The following MGAT5B variants were observed in gnomAD, a reference collection of about 807,000 sequenced individuals.
The protein encoded by MGAT5B is alpha-1,6-mannosylglycoprotein 6-beta-N-acetylglucosaminyltransferase B.
In MGAT5B, 54 loss-of-function variants were observed where a neutral mutation model predicts 95.1. The observed-to-expected ratio is 0.57, with a 90% CI of 0.46 to 0.71. MGAT5B has a LOEUF of 0.71. Ranked by LOEUF, MGAT5B falls within the 30% of genes least tolerant of loss-of-function variation. The probability of loss-of-function intolerance (pLI) is 0.00; values close to 1 mark genes in which losing one functional copy is unlikely to be tolerated. For synonymous variants in MGAT5B, 464 were observed against 451.0 expected (o/e 1.03, Z -0.36); for missense variants, 935 against 1,088.6 (o/e 0.86, Z 1.99).
At chr17:76,910,303 A>T (rs1968689289) in intron 8 of MGAT5B, among the ~76,000 whole-genome samples, 1 of 152,224 alleles carries the variant, frequency 6.6e-6, no homozygotes, top group Admixed American at 6.5e-5. Context: ...CCCTCTGAAC[A>T]GAGAGCCTGG....
At position 76,917,341 on chromosome 17, in the gene MGAT5B, G is replaced by A. The variant is rs1472181300; in HGVS notation, c.1026-7625G>A. The stretch of plus-strand genomic sequence containing the variant: ...CTTCACTTTCTTGTTGGGTCTCGGG[G>A]GTGCCTTCCCACAGCAGGTATCTCG... On this transcript the variant is annotated intron_variant, in intron 8 of 17. Coordinates refer to ENST00000569840, the MANE Select transcript of MGAT5B (RefSeq NM_001199172.2). The surrounding 1 kb of genome is among the most constrained non-coding windows in gnomAD (Gnocchi z 6.1). Among the ~76,000 whole-genome samples the A allele has an allele frequency of 2.0e-5, 3 of 151,866 alleles. No individual in the cohort carries two copies. The highest frequency in any genetic ancestry group is 7.3e-5 in the African/African-American group (3 of 41,310).
rs1336785683 is a variant in MGAT5B at position 76,889,584 on chromosome 17, T to C, written c.329+7286T>C. Among the ~76,000 whole-genome samples, 2 of 152,214 alleles carry C rather than the reference T, an allele frequency of 1.3e-5. No individual in the cohort carries two copies. The highest frequency in any genetic ancestry group is 3.8e-4 in the East Asian group (2 of 5,200). On this transcript the variant is annotated intron_variant, in intron 3 of 17. Coordinates refer to ENST00000569840, the MANE Select transcript of MGAT5B (RefSeq NM_001199172.2). This position sits in a 1 kb window ranked among gnomAD's most constrained non-coding sequence, Gnocchi z 4.4. ...GGGCAGCCGTCGGCCCCCAGGGGCATGTTCTGGATTCCAACAGACTTTGCT... is the reference window on the plus strand; with the variant it reads ...GGGCAGCCGTCGGCCCCCAGGGGCACGTTCTGGATTCCAACAGACTTTGCT...
Position 76,870,014 on chromosome 17 carries a change from G to A in MGAT5B, c.68+917G>A, listed in dbSNP as rs1966945613. ...GTCACCCCGTGGGTAGCTGGGCAGC[G>A]AGGAAGCTGGGGGAGTGACCGCCCC... On this transcript the variant is annotated intron_variant, in intron 1 of 17. Transcript: ENST00000569840. This position sits in a 1 kb window ranked among gnomAD's most constrained non-coding sequence, Gnocchi z 5.0. Among the ~76,000 whole-genome samples, 1 of 152,204 alleles carries A rather than the reference G, an allele frequency of 6.6e-6. No individual in the cohort carries two copies. The highest frequency in any genetic ancestry group is 6.5e-5 in the Admixed American group (1 of 15,292).
Position 76,905,336 on chromosome 17 carries a change from G to T in MGAT5B, c.855+3G>T. 6.3e-7 allele frequency: 1 copy of T among 1,581,400 alleles called. No homozygotes were observed. The highest frequency in any genetic ancestry group is 8.6e-7 in the Non-Finnish European group (1 of 1,158,814). On this transcript the variant is annotated splice_donor_region_variant and intron_variant, in intron 7 of 17. Coordinates refer to ENST00000569840, the MANE Select transcript of MGAT5B (RefSeq NM_001199172.2). This position sits in a 1 kb window ranked among gnomAD's most constrained non-coding sequence, Gnocchi z 4.2. Reference sequence around the variant, plus strand: ...CCACCCAGAGGGACCAGAAGCAGGTGCGTGGCCCCTGCCCCCTCATGTGCA... The same window carrying T: ...CCACCCAGAGGGACCAGAAGCAGGTTCGTGGCCCCTGCCCCCTCATGTGCA...
intron 12 of MGAT5B, among the ~76,000 whole-genome samples, chr17:76,935,878 ATT>A (rs1969645271): frequency 1.2e-5 from 1 of 83,956 alleles, no homozygotes; most frequent in Non-Finnish European, 2.7e-5. Flanking sequence ...CATTATATAT[ATT>A]ATATATTATA....
At position 76,925,013 on chromosome 17, in the gene MGAT5B, C is replaced by G; in HGVS notation, c.1073C>G (p.Pro358Arg). The G allele has an allele frequency of 6.2e-7, 1 of 1,603,934 alleles. No homozygotes were observed. ...PGRGSCPLTM[P>R]LPFDLIYTDY... ...CGGGGAAGCTGCCCGCTCACCATGC[C>G]CCTGCCCTTCGACCTCATCTACACC... Residue 358 changes from proline (P) to arginine (R), a missense_variant, in exon 9 of 18, where the codon CCC (proline) becomes CGC (arginine). Pro to Arg is a moderately radical substitution (Grantham distance 103). Around this residue, in one of 4 missense-constraint regions of MGAT5B, gnomAD observed 243 missense variants for 305.5 expected, o/e 0.80. Coordinates refer to ENST00000569840, the MANE Select transcript of MGAT5B (RefSeq NM_001199172.2).
Position 76,905,078 on chromosome 17 carries a change from T to A in MGAT5B, c.691-91T>A. The A allele has an allele frequency of 7.2e-7, 1 of 1,382,744 alleles. No individual in the cohort carries two copies. Among genetic ancestry groups the A allele is most frequent in the Middle Eastern group, 1.9e-4 (1 of 5,154 alleles). The allele number at this position is 1,382,744 out of a possible 1,614,324, so 85.7% of individuals were successfully genotyped here. A position where few individuals can be genotyped will look rare whatever the true frequency, so the allele number is the denominator to read the frequency against. On this transcript the variant is annotated intron_variant, in intron 6 of 17. Transcript: ENST00000569840. This position sits in a 1 kb window ranked among gnomAD's most constrained non-coding sequence, Gnocchi z 4.2. ...GAAGCTGGAGCAGGCCCCAGCCTCA[T>A]GGGAGGGTGCCAGCCCCTGTCCCCA...
chr17:76,878,524 G>C (rs1300499746), intron 2 of MGAT5B, among the ~76,000 whole-genome samples: 1 of 152,204 alleles, frequency 6.6e-6, no homozygotes, highest in Non-Finnish European at 1.5e-5. Context: ...GCCCAGGCTG[G>C]AGTGCAGTGG....
At chr17:76,908,474 C>T (rs1760254989) in intron 8 of MGAT5B, among the ~76,000 whole-genome samples, 1 of 152,016 alleles carries the variant, frequency 6.6e-6, no homozygotes. Context: ...ACTATGTTGC[C>T]TAGGCTGGTC....
intron 2 of MGAT5B, among the ~76,000 whole-genome samples, chr17:76,875,243 C>T (rs934965340): frequency 6.6e-6 from 1 of 152,096 alleles, no homozygotes; most frequent in African/African-American, 2.4e-5. Flanking sequence ...AATCGTAGTT[C>T]CCATAATCTC....
rs78337510 is a variant in MGAT5B at position 76,906,536 on chromosome 17, G to T, written c.1025+349G>T. On this transcript the variant is annotated intron_variant, in intron 8 of 17. Transcript: ENST00000569840. This position sits in a 1 kb window ranked among gnomAD's most constrained non-coding sequence, Gnocchi z 4.6. ...TCTGCCTGCCGTCCTGGAAGGCTTGGTTTCTCTTCTGAACCTGGGCTCCTT... is the reference window on the plus strand; with the variant it reads ...TCTGCCTGCCGTCCTGGAAGGCTTGTTTTCTCTTCTGAACCTGGGCTCCTT... Among the ~76,000 whole-genome samples the T allele has an allele frequency of 9.3e-3, 1,421 of 152,324 alleles. 17 individuals are homozygous for T. The highest frequency in any genetic ancestry group is 0.041 in the East Asian group (210 of 5,182).
At chr17:76,891,438 G>A (rs558842541) in intron 3 of MGAT5B, among the ~76,000 whole-genome samples, 13 of 151,956 alleles carry the variant, frequency 8.6e-5, no homozygotes, top group South Asian at 8.3e-4. Context: ...GGAGTGTAGT[G>A]GTACAATCTC....
chr17:76,947,649 C>T (rs761070468), intron 16 of MGAT5B, among the ~76,000 whole-genome samples, 181 bp from the exon 17 acceptor site: 9 of 152,212 alleles, frequency 5.9e-5, no homozygotes, highest in African/African-American at 2.4e-5. Context: ...TTCCTGTAAG[C>T]GATCTGGAGA....
chr17:76,948,190 TG>T lies in MGAT5B; in HGVS notation c.2180+110del. On this transcript the variant is annotated intron_variant, in intron 17 of 17. Coordinates refer to ENST00000569840, the MANE Select transcript of MGAT5B (RefSeq NM_001199172.2). ...GAACCGGCCCTCAGCCCTGCCAGTGTGGGGGGATGTAATGCTTTCCAATGAG... is the reference window on the plus strand; with the variant it reads ...GAACCGGCCCTCAGCCCTGCCAGTGTGGGGGATGTAATGCTTTCCAATGAG... The T allele has an allele frequency of 2.7e-6, 4 of 1,455,860 alleles. 1 individual carries two copies. In the South Asian group the frequency reaches 4.4e-5, roughly 16 times the overall value. 90.2% of individuals were successfully genotyped at this position (1,455,860 alleles called of 1,614,324 possible).
At chr17:76,939,292 T>G (rs1969788682) in intron 13 of MGAT5B, among the ~76,000 whole-genome samples, 1 of 151,750 alleles carries the variant, frequency 6.6e-6, no homozygotes, top group South Asian at 2.1e-4. Context: ...GAGGTTAGGA[T>G]ATCGAGACCA....
At chr17:76,936,345 T>G (rs543310756) in intron 12 of MGAT5B, among the ~76,000 whole-genome samples, 1 of 152,186 alleles carries the variant, frequency 6.6e-6, no homozygotes, top group African/African-American at 2.4e-5. Context: ...GAGGCGGAGG[T>G]TGCAGTGAGT....
chr17:76,922,071 C>T (rs1969140328), intron 8 of MGAT5B, among the ~76,000 whole-genome samples: 1 of 152,178 alleles, frequency 6.6e-6, no homozygotes, highest in African/African-American at 2.4e-5. Context: ...GCTACAACCC[C>T]TCTGTCCTCT....
rs1044467965 is a variant in MGAT5B at position 76,918,977 on chromosome 17, G to C, written c.1026-5989G>C. Among the ~76,000 whole-genome samples the C allele has an allele frequency of 6.6e-6, 1 of 152,264 alleles. No individual in the cohort carries two copies. The highest frequency in any genetic ancestry group is 2.4e-5 in the African/African-American group (1 of 41,474). On this transcript the variant is annotated intron_variant, in intron 8 of 17. Transcript: ENST00000569840. The surrounding 1 kb of genome is among the most constrained non-coding windows in gnomAD (Gnocchi z 5.1). ...TAGCCACAGACCAAAGGCACAGAGAGAAATAAAACCAGGGAATTTTTAGCT... is the reference window on the plus strand; with the variant it reads ...TAGCCACAGACCAAAGGCACAGAGACAAATAAAACCAGGGAATTTTTAGCT...
chr17:76,935,921 T>G, intron 12 of MGAT5B, among the ~76,000 whole-genome samples: 1 of 139,744 alleles, frequency 7.2e-6, no homozygotes, highest in Non-Finnish European at 1.5e-5. Flanking sequence ...ATATTATATA[T>G]TATATAATTA....
Sources: allele counts gnomAD v4.1 joint callset (sites outside exome capture counted in the v4.1 genomes callset), GRCh38; gene constraint gnomAD v4.1.1; regional missense constraint gnomAD v4.1.1; non-coding constraint Gnocchi (gnomAD v3.1); transcripts MANE v1.5; gene names NCBI Gene and HGNC (gene_info 2026-07-23, HGNC 2026-07-21).